Variants in MAN2B2 observed in about 807,000 individuals in gnomAD.
The protein encoded by MAN2B2 is epididymis-specific alpha-mannosidase.
In MAN2B2, 106 loss-of-function variants were observed where a neutral mutation model predicts 117.1. That is an observed-to-expected ratio of 0.90 (90% CI 0.77 to 1.06). The LOEUF (loss-of-function observed/expected upper bound fraction) is 1.06, where lower values mean the gene tolerates loss of function less well. Ranked by LOEUF, MAN2B2 falls within the 50% of genes least tolerant of loss-of-function variation. MAN2B2 has a pLI of 0.00. For synonymous variants in MAN2B2, 544 were observed against 595.1 expected (o/e 0.91, Z 1.25); for missense variants, 1,326 against 1,381.4 (o/e 0.96, Z 0.64).
intron 4 of MAN2B2, 109 bp downstream of exon 4, chr4:6,587,277 C>G: frequency 7.3e-7 from 1 of 1,371,012 alleles, no homozygotes; most frequent in Non-Finnish European, 9.8e-7. Flanking sequence ...TTCGGAAATT[C>G]TTGGCAGCTG....
At chr4:6,621,010 T>C in intron 18 of MAN2B2, 178 bp from the exon 19 acceptor site, 1 of 568,118 alleles carries the variant, frequency 1.8e-6, no homozygotes, top group Non-Finnish European at 3.1e-6. Context: ...CAGCAGACTG[T>C]AGCCAGGTGC....
chr4:6,598,183 TG>T lies in MAN2B2; in HGVS notation c.1249-10del. On this transcript the variant is annotated splice_polypyrimidine_tract_variant and intron_variant, in intron 8 of 18. Coordinates refer to ENST00000285599, the MANE Select transcript of MAN2B2 (RefSeq NM_015274.3). ...TCCTGATCCTGTTCTTCCTCCCCTC[TG>T]GGGGTTGCTGCAGGTCCAGCACCAT... is the stretch of plus-strand genomic sequence containing the variant. 2.5e-6 allele frequency: 4 copies of T among 1,611,416 alleles called. No homozygotes were observed. Among genetic ancestry groups the T allele is most frequent in the Non-Finnish European group, 2.5e-6 (3 of 1,178,306 alleles).
chr4:6,576,527 GAC>G, intron 1 of MAN2B2, 49 bp from the exon 2 acceptor site: 1 of 1,590,362 alleles, frequency 6.3e-7, no homozygotes, highest in South Asian at 1.1e-5. Flanking sequence ...GGGCCCCAGG[GAC>G]ACTTGGTCTT....
At chr4:6,598,876 C>T (rs1727213116) in intron 9 of MAN2B2, among the ~76,000 whole-genome samples, 1 of 152,210 alleles carries the variant, frequency 6.6e-6, no homozygotes, top group South Asian at 2.1e-4. Context: ...TGGCTGACAT[C>T]ACAGCAGGGC....
chr4:6,587,799 G>C (rs1357731425), intron 4 of MAN2B2, among the ~76,000 whole-genome samples: 5 of 137,478 alleles, frequency 3.6e-5, no homozygotes, highest in African/African-American at 1.4e-4. Context: ...CTGTCACCCA[G>C]GCTGGAATGC....
rs1407654730 is a variant in MAN2B2 at position 6,619,984 on chromosome 4, A to G, written c.2872A>G (p.Thr958Ala). 3 of 1,613,828 alleles carry G rather than the reference A, an allele frequency of 1.9e-6. No homozygotes were observed. The highest frequency in any genetic ancestry group is 2.5e-6 in the Non-Finnish European group (3 of 1,179,928). The change falls in exon 18 of 19, where the codon ACC becomes GCC. Residue 958 changes from threonine to alanine, a missense_variant. Thr to Ala is a moderately conservative substitution (Grantham distance 58). Transcript: ENST00000285599. Reference sequence around the variant, plus strand: ...AGTGGAGGAGCGCTCGCTCACAGGGACCTGGGATTTGAGCATGCTGCACCG... The same window carrying G: ...AGTGGAGGAGCGCTCGCTCACAGGGGCCTGGGATTTGAGCATGCTGCACCG... ...VAVEERSLTG[T>A]WDLSMLHRWS... is the part of the protein sequence containing the mutation.
intron 10 of MAN2B2, among the ~76,000 whole-genome samples, chr4:6,602,706 G>C (rs1727378818): frequency 7.1e-6 from 1 of 140,668 alleles, no homozygotes. Context: ...GTCTCACCCT[G>C]TCATGCAGGC....
At chr4:6,612,197 G>A (rs1341203164) in intron 15 of MAN2B2, among the ~76,000 whole-genome samples, 3 of 152,226 alleles carry the variant, frequency 2.0e-5, no homozygotes, top group Admixed American at 6.5e-5. Flanking sequence ...AGCATATACT[G>A]AGCACTTGCA....
Position 6,607,450 on chromosome 4 carries a change from C to G in MAN2B2, c.1815-1657C>G, listed in dbSNP as rs528458247. Among the ~76,000 whole-genome samples, 3 of 152,302 alleles carry G rather than the reference C, an allele frequency of 2.0e-5. No homozygotes were observed. In the East Asian group the frequency reaches 5.8e-4, roughly 29 times the overall value. ...AAACTCCTGAGCTCAAGTGATCCAC[C>G]TGCCTCAGCTTCCCAAAGTGCTGGG... On this transcript the variant is annotated intron_variant, in intron 11 of 18. Transcript: ENST00000285599.
intron 4 of MAN2B2, among the ~76,000 whole-genome samples, chr4:6,587,595 C>G (rs1018882230): frequency 1.3e-5 from 2 of 152,194 alleles, no homozygotes; most frequent in Non-Finnish European, 2.9e-5. Context: ...GCAACTGTTA[C>G]AAGACTTAAG....
intron 3 of MAN2B2, among the ~76,000 whole-genome samples, chr4:6,583,301 G>A (rs929140086): frequency 6.6e-6 from 1 of 152,164 alleles, no homozygotes; most frequent in Admixed American, 6.6e-5. Flanking sequence ...AGTCTATTTT[G>A]CTCCCAGTCC....
rs777457446 is a variant in MAN2B2, at chr4:6,609,936, T to G, written c.2145T>G (p.Ala715=). Residue 715 remains alanine, a synonymous_variant, in exon 13 of 19, where the codon GCT becomes GCG. Coordinates refer to ENST00000285599, the MANE Select transcript of MAN2B2 (RefSeq NM_015274.3). The stretch of plus-strand genomic sequence containing the variant: ...GCCCCCTGGAGCTGAACCGTGAGGC[T>G]GTCCTGAGGACCAGCACCAACCTAA... ...QAGPLELNRE[A]VLRTSTNLNS... The G allele has an allele frequency of 6.2e-7, 1 of 1,614,164 alleles. No individual in the cohort carries two copies. Among genetic ancestry groups the G allele is most frequent in the Non-Finnish European group, 8.5e-7 (1 of 1,180,032 alleles).
Position 6,582,288 on chromosome 4 carries a change from T to A in MAN2B2, c.391+3790T>A, listed in dbSNP as rs114513834. ...GTCACAGACTCTCTTCCACCTTCTC[T>A]TGTCTCTCTGACTCCTTCCAGCAGT... On this transcript the variant is annotated intron_variant, in intron 3 of 18. Coordinates refer to ENST00000285599, the MANE Select transcript of MAN2B2 (RefSeq NM_015274.3). Among the ~76,000 whole-genome samples, 1,126 of 152,264 alleles carry A rather than the reference T, an allele frequency of 7.4e-3. 14 individuals carry two copies. The highest frequency in any genetic ancestry group is 0.025 in the African/African-American group (1,043 of 41,542).
At chr4:6,579,111 T>G (rs796210544) in intron 3 of MAN2B2, among the ~76,000 whole-genome samples, 1 of 25,210 alleles carries the variant, frequency 4.0e-5, no homozygotes. Flanking sequence ...ACCACCACCA[T>G]CACCATCACC....
chr4:6,593,370 G>T lies in MAN2B2; in HGVS notation c.858+20G>T, dbSNP rs201052179. On this transcript the variant is annotated intron_variant, in intron 6 of 18. Transcript: ENST00000285599. The stretch of plus-strand genomic sequence containing the variant: ...CCCTGGGTAAGGCAGAGTCCCAGGT[G>T]CTGTGCCCTCAACACAGCCCAAGGA... 7 of 1,603,386 alleles carry T rather than the reference G, an allele frequency of 4.4e-6. No individual in the cohort carries two copies. In the East Asian group the frequency reaches 1.6e-4, roughly 36 times the overall value.
Position 6,614,309 on chromosome 4 carries a change from G to A in MAN2B2, c.2655G>A (p.Trp885Ter). The change falls in exon 16 of 19, where the codon TGG (tryptophan) becomes TGA (stop). Residue 885 changes from tryptophan to a stop codon, truncating the protein, a stop_gained. Transcript: ENST00000285599. LOFTEE classifies it high-confidence loss of function. ...TGCAGATCCTGAGCATCCCTGGCTG[G>A]CGCTACAGCTCCAACCACACGGAGC... is the stretch of plus-strand genomic sequence containing the variant. The part of the protein sequence containing the change: ...LHLQILSIPG[W>*]RYSSNHTEHS... The A allele has an allele frequency of 6.2e-7, 1 of 1,614,128 alleles. No individual in the cohort carries two copies. Among genetic ancestry groups the A allele is most frequent in the East Asian group, 2.2e-5 (1 of 44,884 alleles).
At chr4:6,591,292 AC>A (rs1324458376) in intron 5 of MAN2B2, among the ~76,000 whole-genome samples, 4 of 152,008 alleles carry the variant, frequency 2.6e-5, no homozygotes, top group Non-Finnish European at 1.5e-5. Context: ...AGGGGTCCTC[AC>A]CCTAAATGGT....
intron 16 of MAN2B2, among the ~76,000 whole-genome samples, chr4:6,614,949 C>T (rs1478707766): frequency 2.0e-5 from 3 of 152,338 alleles, no homozygotes; most frequent in Non-Finnish European, 1.5e-5. Flanking sequence ...CCCGAGGAGG[C>T]GACACCTGCT....
intron 10 of MAN2B2, among the ~76,000 whole-genome samples, chr4:6,604,693 T>C (rs1727467526): frequency 6.6e-6 from 1 of 152,058 alleles, no homozygotes; most frequent in South Asian, 2.1e-4. Context: ...GCTGTATTCG[T>C]GGATCTCGGG....
Sources: gnomAD v4.1 joint callset for allele counts (sites outside exome capture counted in the v4.1 genomes callset) on GRCh38, gnomAD v4.1.1 for gene constraint, MANE v1.5 for transcripts, NCBI Gene and HGNC (gene_info 2026-07-23, HGNC 2026-07-21) for gene names.